Variants in SHISA9 observed in about 807,000 individuals in gnomAD.
The protein encoded by SHISA9 is shisa family member 9.
In SHISA9, 13 loss-of-function variants were observed where a neutral mutation model predicts 38.0. The observed-to-expected ratio is 0.34, with a 90% CI of 0.22 to 0.54. SHISA9 has a LOEUF of 0.54. Ranked by LOEUF, SHISA9 falls within the 20% of genes least tolerant of loss-of-function variation. The pLI, the probability that SHISA9 is intolerant of heterozygous loss-of-function variation, is 0.91. For synonymous variants in SHISA9, 275 were observed against 242.0 expected (o/e 1.14, Z -1.27); for missense variants, 538 against 575.8 (o/e 0.93, Z 0.67).
chr16:13,253,154 CA>C, the SHISA9 span, among the ~76,000 whole-genome samples: 1 of 152,124 alleles, frequency 6.6e-6, no homozygotes, highest in South Asian at 2.1e-4. Flanking sequence ...ATATAACATG[CA>C]AAATGTGTGT....
intron 2 of SHISA9, among the ~76,000 whole-genome samples, chr16:12,919,795 T>C (rs2071304594): frequency 6.6e-6 from 1 of 152,234 alleles, no homozygotes; most frequent in South Asian, 2.1e-4. Context: ...TTTCCAGGCA[T>C]TCAGTGATAT....
chr16:13,326,067 T>C, the SHISA9 span, among the ~76,000 whole-genome samples: 2 of 127,970 alleles, frequency 1.6e-5, no homozygotes, highest in Middle Eastern at 4.1e-3. Flanking sequence ...TAAAGTCAAA[T>C]TAAAAAAAAA....
chr16:13,125,488 T>C (rs766367706), intron 2 of SHISA9, among the ~76,000 whole-genome samples: 1 of 152,194 alleles, frequency 6.6e-6, no homozygotes, highest in Non-Finnish European at 1.5e-5. Flanking sequence ...GTAACACTTA[T>C]CTCACAGAAC....
chr16:13,506,907 G>C, the SHISA9 span, among the ~76,000 whole-genome samples: 16 of 152,152 alleles, frequency 1.1e-4, no homozygotes, highest in African/African-American at 3.6e-4. Context: ...GCCGGGCATG[G>C]TGGTGTGCGC....
the SHISA9 span, among the ~76,000 whole-genome samples, chr16:13,276,711 T>A: frequency 1.3e-5 from 2 of 152,184 alleles, no homozygotes; most frequent in Non-Finnish European, 1.5e-5. Flanking sequence ...CATTTGTATA[T>A]CTTCTTTTGA....
intron 2 of SHISA9, among the ~76,000 whole-genome samples, chr16:13,035,360 C>A (rs1053046624): frequency 6.6e-5 from 10 of 152,108 alleles, no homozygotes; most frequent in South Asian, 2.1e-4. Flanking sequence ...GAAAACATGG[C>A]AGGTCTTTTT....
At chr16:13,336,214 CA>C in the SHISA9 span, among the ~76,000 whole-genome samples, 2 of 152,134 alleles carry the variant, frequency 1.3e-5, no homozygotes, top group African/African-American at 4.8e-5. Flanking sequence ...TTCTCCAATT[CA>C]AAAGTGAAGA....
intron 2 of SHISA9, among the ~76,000 whole-genome samples, chr16:12,992,503 G>C (rs1199437857): frequency 6.6e-6 from 1 of 152,058 alleles, no homozygotes; most frequent in East Asian, 1.9e-4. Context: ...CTGGACTCCA[G>C]CCTGGGCGAC....
chr16:13,224,367 C>T (rs934101871), intron 4 of SHISA9, among the ~76,000 whole-genome samples: 10 of 152,294 alleles, frequency 6.6e-5, no homozygotes, highest in Non-Finnish European at 8.8e-5. Flanking sequence ...CGCCTGTCTG[C>T]GACATAAAAG....
chr16:13,474,198 T>C, the SHISA9 span: 1 of 152,224 alleles, frequency 6.6e-6, no homozygotes, highest in African/African-American at 2.4e-5. Context: ...CCTCTTCTTC[T>C]TTCCTCTACA....
intron 2 of SHISA9, among the ~76,000 whole-genome samples, chr16:13,104,449 A>G (rs2073907487): frequency 6.6e-6 from 1 of 152,218 alleles, no homozygotes; most frequent in Admixed American, 6.5e-5. Flanking sequence ...AAACACTCCA[A>G]ATGTCAATCA....
chr16:12,959,971 G>A (rs1390168625), intron 2 of SHISA9, among the ~76,000 whole-genome samples: 1 of 152,216 alleles, frequency 6.6e-6, no homozygotes, highest in Non-Finnish European at 1.5e-5. Context: ...AAGTGCAAAG[G>A]TTTCCTTCAG....
At chr16:13,493,781 T>C in the SHISA9 span, among the ~76,000 whole-genome samples, 1 of 152,152 alleles carries the variant, frequency 6.6e-6, no homozygotes. Context: ...TTCACCTCTA[T>C]GTGCTAAGTG....
intron 2 of SHISA9, among the ~76,000 whole-genome samples, chr16:13,035,519 G>A (rs2073045461): frequency 7.1e-6 from 1 of 140,936 alleles, no homozygotes; most frequent in Non-Finnish European, 1.5e-5. Context: ...ATGATTATGT[G>A]TTCCTGTAAT....
At chr16:13,386,253 A>G in the SHISA9 span, among the ~76,000 whole-genome samples, 5 of 152,236 alleles carry the variant, frequency 3.3e-5, no homozygotes, top group African/African-American at 1.2e-4. Flanking sequence ...TAAAGGGAGC[A>G]CAGGATCTTT....
the SHISA9 span, among the ~76,000 whole-genome samples, chr16:13,291,141 G>C: frequency 1.3e-5 from 2 of 152,088 alleles, no homozygotes; most frequent in Non-Finnish European, 2.9e-5. Flanking sequence ...ATTCTTCACT[G>C]GGCTGGATCT....
At chr16:13,105,512 G>T (rs763253948) in intron 2 of SHISA9, among the ~76,000 whole-genome samples, 1 of 152,164 alleles carries the variant, frequency 6.6e-6, no homozygotes, top group Non-Finnish European at 1.5e-5. Context: ...AGAGAGGATG[G>T]GTAGGATGTC....
chr16:13,323,835 G>A, the SHISA9 span, among the ~76,000 whole-genome samples: 2 of 152,132 alleles, frequency 1.3e-5, no homozygotes, highest in East Asian at 3.9e-4. Context: ...TCTCTCTCTC[G>A]ACACCTGGGG....
chr16:13,276,749 C>A, the SHISA9 span, among the ~76,000 whole-genome samples: 1 of 151,998 alleles, frequency 6.6e-6, no homozygotes, highest in Non-Finnish European at 1.5e-5. Context: ...CCTTAGACCA[C>A]TTTTTGATGG....
Sources: allele counts gnomAD v4.1 joint callset (sites outside exome capture counted in the v4.1 genomes callset), GRCh38; gene constraint gnomAD v4.1.1; transcripts MANE v1.5; gene names NCBI Gene and HGNC (gene_info 2026-07-23, HGNC 2026-07-21).